SLC38A9: variants seen among roughly 807,000 people sequenced by gnomAD.
SLC38A9 encodes the protein neutral amino acid transporter 9.
Under a neutral mutation model 62.3 loss-of-function variants are expected in SLC38A9, and 48 were observed. That is an observed-to-expected ratio of 0.77 (90% CI 0.61 to 0.98). The LOEUF (loss-of-function observed/expected upper bound fraction) is 0.98, where lower values mean the gene tolerates loss of function less well. Ranked by LOEUF, SLC38A9 falls within the 50% of genes least tolerant of loss-of-function variation. SLC38A9 has a pLI of 0.00. For synonymous variants in SLC38A9, 204 were observed against 227.7 expected (o/e 0.90, Z 0.94); for missense variants, 541 against 679.8 (o/e 0.80, Z 2.27).
At chr5:55,668,587 C>T (rs936317434) in intron 7 of SLC38A9, among the ~76,000 whole-genome samples, 5 of 152,040 alleles carry the variant, frequency 3.3e-5, no homozygotes, top group African/African-American at 1.2e-4. Flanking sequence ...ATCTGGTTAA[C>T]ATAAAGAAGG....
In SLC38A9 at chr5:55,633,954, C is replaced by G; in HGVS notation, c.1282-52G>C. Reference sequence around the variant, plus strand: ...TGTTAAAAATCAAATTCAGTACACACATTCATAAAATGGAATGTCTTCTGC... The same window carrying G: ...TGTTAAAAATCAAATTCAGTACACAGATTCATAAAATGGAATGTCTTCTGC... On this transcript the variant is annotated intron_variant, in intron 13 of 15. Transcript: ENST00000396865. 2.2e-6 allele frequency: 3 copies of G among 1,387,144 alleles called. No homozygotes were observed. In the South Asian group the frequency reaches 4.0e-5, roughly 18 times the overall value. 85.9% of individuals were successfully genotyped at this position (1,387,144 alleles called of 1,614,324 possible).
intron 10 of SLC38A9, among the ~76,000 whole-genome samples, chr5:55,650,962 T>C (rs1032957091): frequency 6.6e-6 from 1 of 151,890 alleles, no homozygotes; most frequent in African/African-American, 2.4e-5. Context: ...TGGCTAATTT[T>C]GTATTTTTAG....
chr5:55,646,071 A>T (rs572942855), intron 11 of SLC38A9, among the ~76,000 whole-genome samples, 176 bp from the exon 12 acceptor site: 1 of 152,272 alleles, frequency 6.6e-6, no homozygotes, highest in South Asian at 2.1e-4. Flanking sequence ...AGCACTCAAA[A>T]GGGGGAAAAA....
chr5:55,626,723 A>C lies in SLC38A9; in HGVS notation c.1521-64T>G, dbSNP rs528371741. On this transcript the variant is annotated intron_variant, in intron 15 of 15. Transcript: ENST00000396865. Reference sequence around the variant, plus strand: ...CACTTTGCTTTTTACAATTAAGGTAAACATAGTACAATTTAAATCCTCCTC... The same window carrying C: ...CACTTTGCTTTTTACAATTAAGGTACACATAGTACAATTTAAATCCTCCTC... The C allele has an allele frequency of 1.3e-4, 185 of 1,392,176 alleles. No homozygotes were observed. In the South Asian group the frequency reaches 1.8e-3, roughly 13 times the overall value. 86.2% of individuals were successfully genotyped at this position (1,392,176 alleles called of 1,614,324 possible).
intron 7 of SLC38A9, among the ~76,000 whole-genome samples, chr5:55,667,595 T>C (rs1050251676): frequency 5.3e-5 from 8 of 152,178 alleles, no homozygotes; most frequent in African/African-American, 1.4e-4. Context: ...TTGGATTCTA[T>C]ATGATAATGT....
At chr5:55,631,311 G>A (rs576773319) in intron 14 of SLC38A9, among the ~76,000 whole-genome samples, 16 of 151,518 alleles carry the variant, frequency 1.1e-4, no homozygotes, top group South Asian at 4.2e-4. Context: ...TATAACTGTC[G>A]GATAAATGAA....
intron 14 of SLC38A9, among the ~76,000 whole-genome samples, chr5:55,630,473 A>C (rs1187677921): frequency 1.3e-5 from 2 of 151,966 alleles, no homozygotes; most frequent in African/African-American, 4.8e-5. Flanking sequence ...GCCTGCCACT[A>C]CGCCAGGCTA....
chr5:55,641,525 A>G (rs1331348805), intron 12 of SLC38A9, among the ~76,000 whole-genome samples: 1 of 152,230 alleles, frequency 6.6e-6, no homozygotes, highest in Non-Finnish European at 1.5e-5. Flanking sequence ...AGTCTCTTGT[A>G]TGGCAGCAGT....
chr5:55,706,229 G>A (rs763571701), intron 2 of SLC38A9, among the ~76,000 whole-genome samples: 6 of 152,180 alleles, frequency 3.9e-5, no homozygotes, highest in Non-Finnish European at 8.8e-5. Flanking sequence ...CAGAAGCCAA[G>A]TCAGAGTAGC....
intron 2 of SLC38A9, among the ~76,000 whole-genome samples, chr5:55,699,269 A>T (rs1756333075): frequency 6.6e-6 from 1 of 152,164 alleles, no homozygotes; most frequent in African/African-American, 2.4e-5. Flanking sequence ...AATAAATAAA[A>T]AAACACCCAA....
chr5:55,639,864 T>C (rs540058084), intron 12 of SLC38A9, among the ~76,000 whole-genome samples: 1 of 152,032 alleles, frequency 6.6e-6, no homozygotes, highest in East Asian at 1.9e-4. Flanking sequence ...TCCTTAGTAA[T>C]TATTAATATT....
intron 14 of SLC38A9, among the ~76,000 whole-genome samples, chr5:55,629,257 G>A (rs1394924843): frequency 6.6e-6 from 1 of 151,900 alleles, no homozygotes; most frequent in Non-Finnish European, 1.5e-5. Context: ...TGTCATCCAG[G>A]CTGCAGTGCA....
chr5:55,673,038 T>C (rs186219472), intron 3 of SLC38A9, among the ~76,000 whole-genome samples: 1 of 152,128 alleles, frequency 6.6e-6, no homozygotes, highest in African/African-American at 2.4e-5. Flanking sequence ...CAGCTTTGAA[T>C]AGTCTCTCAA....
chr5:55,671,541 C>T (rs909183367), intron 4 of SLC38A9, among the ~76,000 whole-genome samples: 5 of 146,126 alleles, frequency 3.4e-5, no homozygotes, highest in East Asian at 2.0e-4. Context: ...GTCACATGGC[C>T]GGGCACAGTG....
chr5:55,632,797 G>T (rs1036179113), intron 14 of SLC38A9, among the ~76,000 whole-genome samples: 3 of 152,030 alleles, frequency 2.0e-5, no homozygotes, highest in African/African-American at 7.3e-5. Context: ...TGCCCCAGAC[G>T]CAGATGAAAA....
intron 12 of SLC38A9, among the ~76,000 whole-genome samples, chr5:55,640,697 T>C (rs774093593): frequency 7.2e-5 from 11 of 152,170 alleles, no homozygotes; most frequent in Non-Finnish European, 1.2e-4. Context: ...AAAATTACTA[T>C]GCAACCTGAA....
chr5:55,652,874 T>C, intron 9 of SLC38A9, 151 bp from the exon 10 acceptor site: 1 of 549,032 alleles, frequency 1.8e-6, no homozygotes, highest in Non-Finnish European at 3.1e-6. Context: ...CTGGAAAAAA[T>C]AGAGGGTTAA....
At chr5:55,639,875 T>C (rs1745127148) in intron 12 of SLC38A9, among the ~76,000 whole-genome samples, 2 of 151,992 alleles carry the variant, frequency 1.3e-5, no homozygotes, top group South Asian at 4.1e-4. Context: ...TATTAATATT[T>C]TAAGAAGTTA....
intron 3 of SLC38A9, chr5:55,695,846 G>A (rs1212519367): frequency 1.2e-5 from 1 of 81,698 alleles, no homozygotes; most frequent in African/African-American, 3.7e-5. Flanking sequence ...AGGGGCGGCC[G>A]GGCAGAGGCG....
Sources: gnomAD v4.1 joint callset for allele counts (sites outside exome capture counted in the v4.1 genomes callset) on GRCh38, gnomAD v4.1.1 for gene constraint, MANE v1.5 for transcripts, NCBI Gene and HGNC (gene_info 2026-07-23, HGNC 2026-07-21) for gene names.